Variants in WDR43 observed in about 807,000 individuals in gnomAD.
WDR43 encodes the protein WD repeat-containing protein 43.
In WDR43, 13 loss-of-function variants were observed where a neutral mutation model predicts 91.4. That is an observed-to-expected ratio of 0.14 (90% CI 0.09 to 0.23). WDR43 has a LOEUF of 0.23. Among genes scored for constraint, WDR43 ranks in the 10% least tolerant of loss-of-function variants. The probability of loss-of-function intolerance (pLI) is 1.00; values close to 1 mark genes in which losing one functional copy is unlikely to be tolerated. For synonymous variants in WDR43, 331 were observed against 287.9 expected (o/e 1.15, Z -1.51); for missense variants, 780 against 809.4 (o/e 0.96, Z 0.44).
At chr2:28,906,729 C>A (rs771049544) in intron 3 of WDR43, 148 bp downstream of exon 3, 2 of 1,028,434 alleles carry the variant, frequency 1.9e-6, no homozygotes, top group Non-Finnish European at 2.6e-6. Context: ...ACATAAAATA[C>A]TAAAACACAT....
intron 8 of WDR43, among the ~76,000 whole-genome samples, chr2:28,926,145 GT>G (rs977812804): frequency 2.6e-5 from 4 of 152,086 alleles, no homozygotes; most frequent in African/African-American, 9.7e-5. Flanking sequence ...GAACTGATAC[GT>G]TTTCTTTAAA....
intron 5 of WDR43, among the ~76,000 whole-genome samples, chr2:28,916,916 A>G (rs553493690): frequency 6.6e-5 from 10 of 152,258 alleles, no homozygotes; most frequent in African/African-American, 2.2e-4. Flanking sequence ...TTTAATGCAT[A>G]TGTTTTTGAT....
rs1010226306 is a variant in WDR43 at position 28,918,077 on chromosome 2, C to T, written c.849+82C>T. On this transcript the variant is annotated intron_variant, in intron 6 of 17. Coordinates refer to ENST00000407426, the MANE Select transcript of WDR43 (RefSeq NM_015131.3). Reference sequence around the variant, plus strand: ...AGTCAAGGTTTTGATGATTTAATGACTTGAGAAATAGAGAGGACCTGAGGG... The same window carrying T: ...AGTCAAGGTTTTGATGATTTAATGATTTGAGAAATAGAGAGGACCTGAGGG... 11 of 1,249,998 alleles carry T rather than the reference C, an allele frequency of 8.8e-6. No individual in the cohort carries two copies. In the East Asian group the frequency reaches 1.5e-4, roughly 17 times the overall value. 77.4% of individuals were successfully genotyped at this position (1,249,998 alleles called of 1,614,324 possible). A position where few individuals can be genotyped will look rare whatever the true frequency, so the allele number is the denominator to read the frequency against.
chr2:28,946,392 C>T (rs1157185588), intron 16 of WDR43, 58 bp from the exon 17 acceptor site: 1 of 1,497,378 alleles, frequency 6.7e-7, no homozygotes, highest in African/African-American at 1.4e-5. Context: ...GCTTAATTTC[C>T]AGGCTGTACC....
rs372634347 is a variant in WDR43 at position 28,946,193 on chromosome 2, C to T, written c.1805-257C>T. 4.1e-4 allele frequency among the ~76,000 whole-genome samples: 62 copies of T among 151,790 alleles called. No individual in the cohort carries two copies. The South Asian group carries it at 0.012, about 29-fold the overall frequency. On this transcript the variant is annotated intron_variant, in intron 16 of 17. Coordinates refer to ENST00000407426, the MANE Select transcript of WDR43 (RefSeq NM_015131.3). Reference sequence around the variant, plus strand: ...TATACCAAAAATTAGCTGGGTGTGGCGGCTACTCAGGAGGCTGAGGCAGGA... The same window carrying T: ...TATACCAAAAATTAGCTGGGTGTGGTGGCTACTCAGGAGGCTGAGGCAGGA...
chr2:28,937,358 TC>T (rs1281245709), intron 13 of WDR43, among the ~76,000 whole-genome samples: 1 of 152,320 alleles, frequency 6.6e-6, no homozygotes, highest in Non-Finnish European at 1.5e-5. Flanking sequence ...ATCTTAAAGA[TC>T]CTAAGCTTAT....
chr2:28,920,519 C>T (rs1376312696), intron 6 of WDR43, among the ~76,000 whole-genome samples: 1 of 151,804 alleles, frequency 6.6e-6, no homozygotes, highest in Non-Finnish European at 1.5e-5. Context: ...TAAGCCACCC[C>T]ACTCAACCAA....
At chr2:28,915,795 G>C (rs745683151) in intron 5 of WDR43, among the ~76,000 whole-genome samples, 1 of 87,932 alleles carries the variant, frequency 1.1e-5, no homozygotes, top group Non-Finnish European at 2.6e-5. Context: ...CTATTGATTG[G>C]TTAAGATACT....
chr2:28,939,003 G>C (rs543544243), intron 14 of WDR43, among the ~76,000 whole-genome samples: 13 of 149,200 alleles, frequency 8.7e-5, no homozygotes, highest in South Asian at 6.5e-4. Flanking sequence ...GGTGGCCTGG[G>C]AACACTGGTG....
chr2:28,927,464 A>G, intron 9 of WDR43, 105 bp from the exon 10 acceptor site: 2 of 1,326,538 alleles, frequency 1.5e-6, no homozygotes, highest in East Asian at 2.5e-5. Flanking sequence ...ATTATATTGC[A>G]TTTTTCCAAT....
rs1670738842 is a variant in WDR43, at chr2:28,909,002, T to C, written c.485+2421T>C. The stretch of plus-strand genomic sequence containing the variant: ...GCTTGGTTTTCATTTCATTAGTTAC[T>C]AGGTCATTCTCTATTAGTGGTATAA... On this transcript the variant is annotated intron_variant, in intron 3 of 17. Transcript: ENST00000407426. Among the ~76,000 whole-genome samples the C allele has an allele frequency of 3.3e-5, 5 of 152,204 alleles. No homozygotes were observed. In the South Asian group the frequency reaches 1.0e-3, roughly 31 times the overall value.
rs552897899 is a variant in WDR43, at chr2:28,944,904, CAG to C, written c.1805-1545_1805-1544del. On this transcript the variant is annotated intron_variant, in intron 16 of 17. Coordinates refer to ENST00000407426, the MANE Select transcript of WDR43 (RefSeq NM_015131.3). ...CGGCACTTCATCACGCTGCACATAA[CAG>C]GGCGCAATTTAAAACTTAGGGATCC... Among the ~76,000 whole-genome samples the C allele has an allele frequency of 4.9e-4, 75 of 152,340 alleles. 3 individuals carry two copies. The South Asian group carries it at 0.015, about 30-fold the overall frequency.
intron 8 of WDR43, 116 bp downstream of exon 8, chr2:28,925,269 T>A: frequency 9.3e-7 from 1 of 1,078,732 alleles, no homozygotes; most frequent in Non-Finnish European, 1.2e-6. Flanking sequence ...CTTTTTTAAT[T>A]AAAGGATTTC....
At chr2:28,927,086 A>G (rs1311116269) in intron 9 of WDR43, 11 of 519,494 alleles carry the variant, frequency 2.1e-5, no homozygotes, top group Admixed American at 1.2e-4. Flanking sequence ...TGACATCCAT[A>G]TGGTTTCGCT....
chr2:28,939,605 A>G (rs1671397124), intron 14 of WDR43, among the ~76,000 whole-genome samples: 1 of 152,208 alleles, frequency 6.6e-6, no homozygotes. Context: ...ATGGGGATTC[A>G]GCAATGTACC....
chr2:28,922,557 A>G (rs1283177305), intron 6 of WDR43, among the ~76,000 whole-genome samples: 2 of 152,142 alleles, frequency 1.3e-5, no homozygotes, highest in East Asian at 3.8e-4. Context: ...ATGAGGTCTT[A>G]CAACACCCCT....
chr2:28,919,524 C>G (rs922129277), intron 6 of WDR43, among the ~76,000 whole-genome samples: 2 of 152,032 alleles, frequency 1.3e-5, no homozygotes, highest in East Asian at 1.9e-4. Flanking sequence ...GGGCTGGTGG[C>G]GGGCGCCTGT....
intron 9 of WDR43, chr2:28,927,089 G>A: frequency 1.9e-6 from 1 of 519,634 alleles, no homozygotes; most frequent in South Asian, 1.4e-5. Flanking sequence ...CATCCATATG[G>A]TTTCGCTGCT....
intron 14 of WDR43, 103 bp downstream of exon 14, chr2:28,938,097 T>C (rs573193248): frequency 2.4e-6 from 3 of 1,260,772 alleles, no homozygotes; most frequent in Non-Finnish European, 2.2e-6. Context: ...TTTCCCCATC[T>C]ATCCTTCAGC....
Sources: allele counts gnomAD v4.1 joint callset (sites outside exome capture counted in the v4.1 genomes callset), GRCh38; gene constraint gnomAD v4.1.1; transcripts MANE v1.5; gene names NCBI Gene and HGNC (gene_info 2026-07-23, HGNC 2026-07-21).